Variants in FXYD6 observed in about 807,000 individuals in gnomAD.
FXYD6 encodes the protein FXYD domain containing ion transport regulator 6.
Under a neutral mutation model 16.7 loss-of-function variants are expected in FXYD6, and 7 were observed. That is an observed-to-expected ratio of 0.42 (90% CI 0.24 to 0.79). The LOEUF (loss-of-function observed/expected upper bound fraction) is 0.79. Ranked by LOEUF, FXYD6 falls within the 30% of genes least tolerant of loss-of-function variation. The pLI, the probability that FXYD6 is intolerant of heterozygous loss-of-function variation, is 0.28. For synonymous variants in FXYD6, 49 were observed against 43.0 expected, an observed-to-expected ratio of 1.14 and a Z score of -0.54; for missense variants, 111 against 116.2, an observed-to-expected ratio of 0.95 and a Z score of 0.21.
At chr11:117,842,153 G>C in intron 2 of FXYD6, 125 bp from the exon 3 acceptor site, 1 of 1,444,256 alleles carries the variant, frequency 6.9e-7, no homozygotes, top group Non-Finnish European at 9.5e-7. Context: ...CCATTAAACA[G>C]AGATGCCTAG....
chr11:117,849,440 T>C (rs926683080), intron 1 of FXYD6, among the ~76,000 whole-genome samples: 1 of 152,228 alleles, frequency 6.6e-6, no homozygotes, highest in Non-Finnish European at 1.5e-5. Context: ...AAAAGAATTA[T>C]ATTTCATATG....
intron 1 of FXYD6, among the ~76,000 whole-genome samples, chr11:117,852,578 G>A (rs931959389): frequency 6.6e-6 from 1 of 152,024 alleles, no homozygotes; most frequent in South Asian, 2.1e-4. Flanking sequence ...TGTGTTTGCT[G>A]TTGTGGGTTT....
intron 5 of FXYD6, 128 bp downstream of exon 5, chr11:117,841,020 C>A (rs2056326945): frequency 8.1e-7 from 1 of 1,238,512 alleles, no homozygotes; most frequent in Non-Finnish European, 1.1e-6. Flanking sequence ...AGCCCTACGT[C>A]CCAACACACA....
chr11:117,865,927 A>AC (rs1280299695), intron 1 of FXYD6, among the ~76,000 whole-genome samples: 1 of 151,776 alleles, frequency 6.6e-6, no homozygotes, highest in African/African-American at 2.4e-5. Flanking sequence ...ATCTCAAAAA[A>AC]AACAAAAAAG....
At chr11:117,850,291 C>G (rs1032481832) in intron 1 of FXYD6, among the ~76,000 whole-genome samples, 2 of 151,282 alleles carry the variant, frequency 1.3e-5, no homozygotes, top group African/African-American at 2.4e-5. Flanking sequence ...GTGGGCAGAA[C>G]AGACCTGAAG....
chr11:117,846,023 G>A (rs2056457953), intron 1 of FXYD6, among the ~76,000 whole-genome samples: 1 of 152,168 alleles, frequency 6.6e-6, no homozygotes, highest in Non-Finnish European at 1.5e-5. Flanking sequence ...ATTTAAAATT[G>A]TTTCCACAGT....
At chr11:117,860,399 G>A (rs952064001) in intron 1 of FXYD6, among the ~76,000 whole-genome samples, 3 of 152,194 alleles carry the variant, frequency 2.0e-5, no homozygotes, top group African/African-American at 7.2e-5. Flanking sequence ...TCTGCGCAGA[G>A]AGCCACAATG....
At chr11:117,853,856 A>T (rs904705982) in intron 1 of FXYD6, among the ~76,000 whole-genome samples, 4 of 152,120 alleles carry the variant, frequency 2.6e-5, no homozygotes, top group Non-Finnish European at 1.5e-5. Flanking sequence ...TGGGGAGAGT[A>T]ACGGTGACTT....
intron 1 of FXYD6, among the ~76,000 whole-genome samples, chr11:117,863,723 G>C (rs946926292): frequency 6.6e-6 from 1 of 152,112 alleles, no homozygotes; most frequent in African/African-American, 2.4e-5. Context: ...AAACCCTAAA[G>C]ATCACACATA....
chr11:117,873,843 G>A (rs1272871038), intron 1 of FXYD6, among the ~76,000 whole-genome samples: 1 of 152,022 alleles, frequency 6.6e-6, no homozygotes, highest in South Asian at 2.1e-4. Context: ...TTCCAGCCTC[G>A]CCTTCCAAGA....
At chr11:117,865,930 C>A (rs553451809) in intron 1 of FXYD6, among the ~76,000 whole-genome samples, 75 of 143,812 alleles carry the variant, frequency 5.2e-4, no homozygotes, top group African/African-American at 1.8e-3. Context: ...TCAAAAAAAA[C>A]AAAAAAGAGT....
Position 117,872,895 on chromosome 11 carries a change from T to C in FXYD6, c.-6+3697A>G, listed in dbSNP as rs1191709380. ...CTCATCAGGGACGGTGTCAGAGCAC[T>C]GTGTTCCCGACCGGCCCCTCTCGTT... On this transcript the variant is annotated intron_variant, in intron 1 of 7. Transcript: ENST00000526014. This position sits in a 1 kb window ranked among gnomAD's most constrained non-coding sequence, Gnocchi z 4.9. Among the ~76,000 whole-genome samples the C allele has an allele frequency of 4.6e-5, 7 of 152,204 alleles. No homozygotes were observed.
intron 6 of FXYD6, 114 bp downstream of exon 6, chr11:117,840,205 C>G: frequency 7.1e-7 from 1 of 1,413,370 alleles, no homozygotes; most frequent in Non-Finnish European, 1.0e-6. Flanking sequence ...ACTCTCCTGG[C>G]ACTGCGGGAG....
At chr11:117,846,397 A>G (rs2056470547) in intron 1 of FXYD6, among the ~76,000 whole-genome samples, 2 of 152,172 alleles carry the variant, frequency 1.3e-5, no homozygotes, top group Admixed American at 1.3e-4. Context: ...TGTTGAACAG[A>G]ATTTCTTAAT....
At position 117,840,325 on chromosome 11, in the gene FXYD6, C is replaced by T. The variant is rs202139278; in HGVS notation, c.253G>A (p.Ala85Thr). ...GGTGGTCACGGACAGTTACCATTGG[C>T]GGTGATGAGGTTCTCCACCTGGGCT... is the stretch of plus-strand genomic sequence containing the variant. ...EEAQVENLIT[A>T]NATEPQKAEN Residue 85 changes from alanine to threonine, a missense_variant, in exon 6 of 8, where the codon GCC (alanine) becomes ACC (threonine). Coordinates refer to ENST00000526014, the MANE Select transcript of FXYD6 (RefSeq NM_022003.4). The T allele has an allele frequency of 4.0e-5, 65 of 1,614,110 alleles. No homozygotes were observed. In the East Asian group the frequency reaches 5.1e-4, roughly 13 times the overall value.
chr11:117,852,818 A>G (rs1708569862), intron 1 of FXYD6, among the ~76,000 whole-genome samples: 1 of 151,962 alleles, frequency 6.6e-6, no homozygotes, highest in Non-Finnish European at 1.5e-5. Flanking sequence ...CATATTTTCC[A>G]CTTCCTTCTC....
chr11:117,840,020 C>T lies in FXYD6; in HGVS notation c.260-190G>A, dbSNP rs1016649392. ...TGCTTACAGGAACCTGGTAACCTCT[C>T]TCAGTCCCTCGGTTACAAAATGGGG... On this transcript the variant is annotated intron_variant, in intron 6 of 7. Coordinates refer to ENST00000526014, the MANE Select transcript of FXYD6 (RefSeq NM_022003.4). 16 of 714,086 alleles carry T rather than the reference C, an allele frequency of 2.2e-5. No individual in the cohort carries two copies. The East Asian group carries it at 4.3e-4, about 19-fold the overall frequency. 44.2% of individuals were successfully genotyped at this position (714,086 alleles called of 1,614,324 possible).
chr11:117,839,889 C>T (rs2056298654), intron 6 of FXYD6, 59 bp from the exon 7 acceptor site: 1 of 1,608,288 alleles, frequency 6.2e-7, no homozygotes, highest in Admixed American at 1.7e-5. Context: ...GTGGGCCACC[C>T]CCAACAGCAG....
chr11:117,858,661 T>TTC (rs1240591471), intron 1 of FXYD6, among the ~76,000 whole-genome samples: 3 of 81,798 alleles, frequency 3.7e-5, no homozygotes, highest in African/African-American at 1.7e-4. Flanking sequence ...CTTTCTTTCT[T>TTC]TCTTTCTTTC....
Sources: allele counts gnomAD v4.1 joint callset (sites outside exome capture counted in the v4.1 genomes callset), GRCh38; gene constraint gnomAD v4.1.1; non-coding constraint Gnocchi (gnomAD v3.1); transcripts MANE v1.5; gene names NCBI Gene and HGNC (gene_info 2026-07-23, HGNC 2026-07-21).